CDK14: variants seen among roughly 807,000 people sequenced by gnomAD.
CDK14 encodes the protein cyclin-dependent kinase 14.
Under a neutral mutation model 60.7 loss-of-function variants are expected in CDK14, and 34 were observed. The observed-to-expected ratio is 0.56, with a 90% CI of 0.43 to 0.75. The LOEUF (loss-of-function observed/expected upper bound fraction) is 0.75. CDK14 is among the 30% of genes least tolerant of loss of function. CDK14 has a pLI of 0.00. For missense variants in CDK14, 482 were observed against 564.1 expected (o/e 0.85, Z 1.47); for synonymous variants, 197 against 203.7 (o/e 0.97, Z 0.28).
chr7:90,866,093 T>C (rs1477341251), intron 6 of CDK14, among the ~76,000 whole-genome samples: 1 of 152,168 alleles, frequency 6.6e-6, no homozygotes, highest in African/African-American at 2.4e-5. Context: ...ATAAGTTTTG[T>C]AGATTGGCCA....
intron 14 of CDK14, among the ~76,000 whole-genome samples, chr7:91,119,024 A>AGT (rs558111664): frequency 2.6e-5 from 4 of 151,674 alleles, no homozygotes; most frequent in East Asian, 1.9e-4. Context: ...GAAAATTTTT[A>AGT]GTGTGTGTGT....
At chr7:91,024,554 G>A (rs1796520101) in intron 10 of CDK14, among the ~76,000 whole-genome samples, 1 of 152,242 alleles carries the variant, frequency 6.6e-6, no homozygotes, top group East Asian at 1.9e-4. Flanking sequence ...AGGAGGCTGA[G>A]GCAGGAGAAT....
chr7:91,122,482 G>T (rs1799808754), intron 14 of CDK14, among the ~76,000 whole-genome samples: 4 of 152,132 alleles, frequency 2.6e-5, no homozygotes, highest in Non-Finnish European at 5.9e-5. Context: ...TTAGTAGAAT[G>T]GTGGTTCTTA....
intron 6 of CDK14, among the ~76,000 whole-genome samples, chr7:90,896,728 C>G (rs1792348755): frequency 6.6e-6 from 1 of 152,074 alleles, no homozygotes; most frequent in Admixed American, 6.5e-5. Context: ...CATTCATTGC[C>G]TGGGTAATCA....
chr7:91,203,104 C>T (rs903602330), intron 14 of CDK14, among the ~76,000 whole-genome samples: 3 of 151,438 alleles, frequency 2.0e-5, no homozygotes, highest in Non-Finnish European at 4.4e-5. Context: ...TCATTCCTTT[C>T]AAATATAATG....
chr7:90,957,119 G>A (rs527421036), intron 9 of CDK14, among the ~76,000 whole-genome samples: 5 of 150,326 alleles, frequency 3.3e-5, no homozygotes, highest in East Asian at 2.0e-4. Context: ...TAGTCCTTTG[G>A]GTATATACCC....
At chr7:91,055,733 A>G (rs1797528644) in intron 11 of CDK14, among the ~76,000 whole-genome samples, 1 of 152,190 alleles carries the variant, frequency 6.6e-6, no homozygotes, top group South Asian at 2.1e-4. Context: ...TCCAATTTGT[A>G]TAATTTGGTT....
chr7:91,123,495 A>G (rs1377584897), intron 14 of CDK14, among the ~76,000 whole-genome samples: 1 of 152,194 alleles, frequency 6.6e-6, no homozygotes, highest in Non-Finnish European at 1.5e-5. Context: ...ATTAAAAAAT[A>G]TATCTTATTT....
intron 11 of CDK14, among the ~76,000 whole-genome samples, chr7:91,057,703 A>G (rs1196569412): frequency 6.6e-6 from 1 of 152,204 alleles, no homozygotes; most frequent in African/African-American, 2.4e-5. Context: ...TTTGTCAAAG[A>G]TCAGATAGTT....
chr7:91,099,582 G>A (rs570562829), intron 12 of CDK14, among the ~76,000 whole-genome samples: 12 of 152,214 alleles, frequency 7.9e-5, no homozygotes, highest in Admixed American at 7.9e-4. Flanking sequence ...TGTGAAGTCG[G>A]TGAAATAATA....
chr7:90,921,168 TCCCTTTTATAGC>T (rs1390016235), intron 8 of CDK14, among the ~76,000 whole-genome samples: 1 of 152,170 alleles, frequency 6.6e-6, no homozygotes, highest in Non-Finnish European at 1.5e-5. Context: ...AGATTTCAAA[TCCCTTTTATAGC>T]CCGTGTCCTC....
intron 4 of CDK14, among the ~76,000 whole-genome samples, chr7:90,753,741 C>T (rs922106902): frequency 4.0e-5 from 6 of 151,780 alleles, no homozygotes; most frequent in Non-Finnish European, 5.9e-5. Context: ...CTAAAGAGTC[C>T]GCCAAAAAGC....
chr7:90,737,019 G>T (rs1374697151), intron 3 of CDK14, among the ~76,000 whole-genome samples: 1 of 152,080 alleles, frequency 6.6e-6, no homozygotes, highest in Non-Finnish European at 1.5e-5. Flanking sequence ...ATTTTAAGAG[G>T]GTGTTTAAGA....
At chr7:90,896,425 A>G (rs557807352) in intron 6 of CDK14, among the ~76,000 whole-genome samples, 25 of 152,256 alleles carry the variant, frequency 1.6e-4, no homozygotes, top group African/African-American at 5.8e-4. Flanking sequence ...TTGATATACT[A>G]CTAAAAAAGA....
chr7:91,002,106 G>A (rs1795853174), intron 10 of CDK14, among the ~76,000 whole-genome samples: 1 of 152,186 alleles, frequency 6.6e-6, no homozygotes, highest in Non-Finnish European at 1.5e-5. Context: ...TGAGGTTAAA[G>A]AATTCATAGC....
chr7:90,771,963 T>C (rs959515013), intron 4 of CDK14, among the ~76,000 whole-genome samples: 7 of 152,216 alleles, frequency 4.6e-5, no homozygotes, highest in South Asian at 2.1e-4. Flanking sequence ...TGTGTAATGA[T>C]TGGAAAATGT....
At chr7:91,055,041 G>C (rs1471244861) in intron 11 of CDK14, among the ~76,000 whole-genome samples, 2 of 152,160 alleles carry the variant, frequency 1.3e-5, no homozygotes, top group Admixed American at 6.5e-5. Context: ...AAATCCTCTT[G>C]ATTGGTCATT....
intron 2 of CDK14, among the ~76,000 whole-genome samples, chr7:90,612,310 T>C (rs1799556572): frequency 1.3e-5 from 2 of 152,194 alleles, no homozygotes; most frequent in Admixed American, 6.5e-5. Context: ...AGTACTCCCC[T>C]GTTCAAAGAT....
intron 5 of CDK14, among the ~76,000 whole-genome samples, chr7:90,838,326 A>G (rs1039552461): frequency 6.6e-6 from 1 of 152,100 alleles, no homozygotes; most frequent in African/African-American, 2.4e-5. Context: ...GATGTATGTC[A>G]CCTCAGGACC....
Sources: allele counts gnomAD v4.1 joint callset (sites outside exome capture counted in the v4.1 genomes callset), GRCh38; gene constraint gnomAD v4.1.1; transcripts MANE v1.5; gene names NCBI Gene and HGNC (gene_info 2026-07-23, HGNC 2026-07-21).